Variants in AFF2 observed in about 807,000 individuals in gnomAD.
AFF2 encodes the protein AF4/FMR2 family member 2.
In AFF2, 14 loss-of-function variants were observed where a neutral mutation model predicts 76.9. That is an observed-to-expected ratio of 0.18 (90% confidence interval 0.12 to 0.28). The LOEUF (loss-of-function observed/expected upper bound fraction) is 0.28. Ranked by LOEUF, AFF2 falls within the 10% of genes least tolerant of loss-of-function variation. The pLI, the probability that AFF2 is intolerant of heterozygous loss-of-function variation, is 1.00. For missense variants in AFF2, 868 were observed against 1,001.1 expected, an observed-to-expected ratio of 0.87 and a Z score of 1.79; for synonymous variants, 398 against 366.7, an observed-to-expected ratio of 1.09 and a Z score of -0.98.
intron 3 of AFF2, among the ~76,000 whole-genome samples, chrX:148,772,094 C>T (rs1305576275): frequency 3.6e-5 from 4 of 111,824 alleles, no homozygotes; most frequent in Admixed American, 2.8e-4. Context: ...CATTTCACTG[C>T]CTTTATGGGC....
chrX:148,817,412 ACAGAG>A (rs1223651299), intron 4 of AFF2, among the ~76,000 whole-genome samples: 1 of 111,283 alleles, frequency 9.0e-6, no homozygotes, highest in Non-Finnish European at 1.9e-5. Flanking sequence ...AATGTAATTG[ACAGAG>A]ATTAACTCCA....
chrX:148,518,472 T>C (rs1210590873), intron 1 of AFF2, among the ~76,000 whole-genome samples: 2 of 112,739 alleles, frequency 1.8e-5, no homozygotes, highest in African/African-American at 6.4e-5. Context: ...TATAAACCAA[T>C]GTCCTTTGTG....
chrX:148,797,840 T>C (rs2070005422), intron 3 of AFF2, among the ~76,000 whole-genome samples: 1 of 112,020 alleles, frequency 8.9e-6, no homozygotes, highest in Non-Finnish European at 1.9e-5. Flanking sequence ...TGGTACCCAC[T>C]GAAAGAAAAT....
rs1279320374 is a variant in AFF2, at chrX:148,997,048, A to C, written c.*5716A>C. On this transcript the variant is annotated 3_prime_UTR_variant, in exon 21 of 21. Coordinates refer to ENST00000370460, the MANE Select transcript of AFF2 (RefSeq NM_002025.4). Reference sequence around the variant, plus strand: ...CCACCTTCACATTGTTGTTCATAAGAATTTTACTTTAGTTATTAGGGAATC... The same window carrying C: ...CCACCTTCACATTGTTGTTCATAAGCATTTTACTTTAGTTATTAGGGAATC... 2 of 111,930 alleles carry C rather than the reference A, an allele frequency of 1.8e-5. No individual in the cohort carries two copies. Among genetic ancestry groups the C allele is most frequent in the Non-Finnish European group, 3.8e-5 (2 of 53,159 alleles). The allele number at this position is 111,930 out of a possible 1,213,427, so 9.2% of individuals were successfully genotyped here.
intron 9 of AFF2, among the ~76,000 whole-genome samples, chrX:148,922,837 C>T (rs1569557138): frequency 9.0e-6 from 1 of 111,689 alleles, no homozygotes; most frequent in African/African-American, 3.3e-5. Context: ...GCCTGATATT[C>T]GAAGTCAATC....
At position 148,789,747 on chromosome X, in the gene AFF2, A is replaced by G. The variant is rs2041602; in HGVS notation, c.1042-20129A>G. Among the ~76,000 whole-genome samples the G allele has an allele frequency of 4.1e-3, 456 of 111,980 alleles. 6 individuals are homozygous for G. The highest frequency in any genetic ancestry group is 0.037 in the Admixed American group (385 of 10,528). On this transcript the variant is annotated intron_variant, in intron 3 of 20. Coordinates refer to ENST00000370460, the MANE Select transcript of AFF2 (RefSeq NM_002025.4). ...CATGTTCCCCTGAAAGGAATCATCA[A>G]TTGTAGAGTATTATAAAATGACTTT...
chrX:148,727,834 T>C (rs189840906), intron 3 of AFF2, among the ~76,000 whole-genome samples: 1 of 112,099 alleles, frequency 8.9e-6, no homozygotes, highest in East Asian at 2.8e-4. Flanking sequence ...GCTAGTGTTC[T>C]TTATAGCCTT....
At chrX:148,561,280 C>T (rs1162793652) in intron 1 of AFF2, among the ~76,000 whole-genome samples, 6 of 111,811 alleles carry the variant, frequency 5.4e-5, no homozygotes, top group African/African-American at 1.9e-4. Context: ...TCAATTTTGA[C>T]CCTTAATTTG....
Position 148,662,606 on chromosome X carries a change from T to C in AFF2, c.879T>C (p.Asp293=). The part of the protein sequence containing the change: ...QKPTAYVRPM[D]GQDQAPDISP... ...CAACTGCATACGTCAGACCCATGGA[T>C]GGCCAGGACCAGGCACCGGACATCT... Residue 293 remains aspartate, a synonymous_variant, in exon 3 of 21, where the codon GAT becomes GAC. Transcript: ENST00000370460. The C allele has an allele frequency of 8.3e-7, 1 of 1,211,767 alleles. No individual in the cohort carries two copies. Among genetic ancestry groups the C allele is most frequent in the Non-Finnish European group, 1.1e-6 (1 of 895,574 alleles).
chrX:148,538,600 A>G (rs1395556932), intron 1 of AFF2, among the ~76,000 whole-genome samples: 1 of 112,684 alleles, frequency 8.9e-6, no homozygotes, highest in African/African-American at 3.2e-5. Flanking sequence ...GAAAATTTTG[A>G]TTTATCAAAA....
chrX:148,511,601 A>G (rs2052482697), intron 1 of AFF2, among the ~76,000 whole-genome samples: 1 of 112,277 alleles, frequency 8.9e-6, no homozygotes, highest in Non-Finnish European at 1.9e-5. Flanking sequence ...TAGCATTTAC[A>G]GAGCATTATG....
intron 3 of AFF2, among the ~76,000 whole-genome samples, chrX:148,805,708 G>A (rs898275411): frequency 2.0e-4 from 23 of 112,735 alleles, no homozygotes; most frequent in Admixed American, 1.3e-3. Context: ...TTTATCACCA[G>A]GCAGATAATT....
intron 3 of AFF2, among the ~76,000 whole-genome samples, chrX:148,773,699 AAAG>A (rs2069624926): frequency 1.1e-5 from 1 of 88,727 alleles, no homozygotes; most frequent in Non-Finnish European, 2.1e-5. Flanking sequence ...AGAAAGAAAG[AAAG>A]AAAGAAAGAA....
chrX:148,539,902 A>G (rs1392165522), intron 1 of AFF2, among the ~76,000 whole-genome samples: 10 of 111,258 alleles, frequency 9.0e-5, no homozygotes, highest in African/African-American at 3.3e-4. Flanking sequence ...GTGCCATTAG[A>G]TTCCCATTAA....
chrX:148,835,764 A>C lies in AFF2; in HGVS notation c.1087-1883A>C, dbSNP rs1379805918. Among the ~76,000 whole-genome samples the C allele has an allele frequency of 2.7e-5, 3 of 110,395 alleles. No individual in the cohort carries two copies. In the Admixed American group the frequency reaches 2.9e-4, roughly 11 times the overall value. On this transcript the variant is annotated intron_variant, in intron 4 of 20. Coordinates refer to ENST00000370460, the MANE Select transcript of AFF2 (RefSeq NM_002025.4). ...TCCCAAAGTGTTGGAATTACAGGCC[A>C]CCATACCCAGTCCACCTCACATACT...
At chrX:148,924,078 A>C (rs1557283493) in intron 9 of AFF2, among the ~76,000 whole-genome samples, 1 of 112,129 alleles carries the variant, frequency 8.9e-6, no homozygotes, top group African/African-American at 3.2e-5. Flanking sequence ...CAATAATAAC[A>C]ATGGAAATGA....
At chrX:148,843,546 T>G in intron 7 of AFF2, 113 bp downstream of exon 7, 1 of 622,642 alleles carries the variant, frequency 1.6e-6, no homozygotes, top group Non-Finnish European at 2.5e-6. Flanking sequence ...CTATGAACCT[T>G]GACTCATAAT....
At chrX:148,682,006 T>C (rs1179269259) in intron 3 of AFF2, among the ~76,000 whole-genome samples, 1 of 111,988 alleles carries the variant, frequency 8.9e-6, no homozygotes, top group African/African-American at 3.2e-5. Context: ...ATACATACTT[T>C]AGCTGTTGTA....
chrX:148,652,218 A>C, intron 2 of AFF2, 87 bp downstream of exon 2: 1 of 708,247 alleles, frequency 1.4e-6, no homozygotes, highest in Non-Finnish European at 2.1e-6. Flanking sequence ...AAAGCACCCA[A>C]CTCATTTCCA....
Sources: gnomAD v4.1 joint callset for allele counts (sites outside exome capture counted in the v4.1 genomes callset) on GRCh38, gnomAD v4.1.1 for gene constraint, MANE v1.5 for transcripts, NCBI Gene and HGNC (gene_info 2026-07-23, HGNC 2026-07-21) for gene names.